Variants in GCNT1 observed in about 807,000 individuals in gnomAD.
The protein encoded by GCNT1 is beta-1,3-galactosyl-O-glycosyl-glycoprotein beta-1,6-N-acetylglucosaminyltransferase.
GCNT1 carries 16 observed loss-of-function variants against 26.2 expected under a neutral mutation model. The ratio of observed to expected loss-of-function variants is 0.61; its 90% CI spans 0.41 to 0.93. GCNT1 has a LOEUF of 0.93. Among genes scored for constraint, GCNT1 ranks in the 40% least tolerant of loss-of-function variants. The pLI is 0.00. For missense variants in GCNT1, 477 were observed against 526.7 expected (o/e 0.91, Z 0.92); for synonymous variants, 183 against 190.8 (o/e 0.96, Z 0.34).
At chr9:76,405,646 G>T in the GCNT1 span, among the ~76,000 whole-genome samples, 1 of 152,306 alleles carries the variant, frequency 6.6e-6, no homozygotes, top group East Asian at 1.9e-4. Flanking sequence ...TATAAAAGAT[G>T]TAGCATTTTC....
intron 1 of GCNT1, among the ~76,000 whole-genome samples, chr9:76,429,928 A>G (rs1194486336): frequency 6.6e-6 from 1 of 151,878 alleles, no homozygotes; most frequent in Non-Finnish European, 1.5e-5. Context: ...GTTAGCCAGG[A>G]TGGTCTCGAT....
intron 2 of GCNT1, among the ~76,000 whole-genome samples, chr9:76,477,838 G>A (rs569613712): frequency 1.4e-4 from 22 of 152,254 alleles, no homozygotes; most frequent in Non-Finnish European, 1.5e-4. Context: ...CTGCCTCTGC[G>A]CATTTGACTA....
At chr9:76,440,619 A>G (rs142488147), upstream of GCNT1, among the ~76,000 whole-genome samples, 172 of 152,282 alleles carry the variant, frequency 1.1e-3, no homozygotes, top group Admixed American at 2.2e-3. Context: ...ACCAAAACCC[A>G]GAGGGGAGAA....
At chr9:76,501,447 C>A (rs1429993358) in intron 3 of GCNT1, among the ~76,000 whole-genome samples, 1 of 152,134 alleles carries the variant, frequency 6.6e-6, no homozygotes, top group Non-Finnish European at 1.5e-5. Flanking sequence ...TTGTTTTCTG[C>A]AAGACTTAGT....
the GCNT1 span, among the ~76,000 whole-genome samples, chr9:76,395,424 T>C: frequency 2.2e-4 from 33 of 152,270 alleles, no homozygotes; most frequent in African/African-American, 6.5e-4. Context: ...TTACCTGATA[T>C]TAAATTTATG....
chr9:76,422,139 A>G (rs1025379945), intron 1 of GCNT1, among the ~76,000 whole-genome samples: 6 of 152,156 alleles, frequency 3.9e-5, no homozygotes, highest in African/African-American at 1.4e-4. Flanking sequence ...TGAGAACAGC[A>G]TGGGAGAAAC....
chr9:76,502,955 C>T lies in GCNT1; in HGVS notation c.574C>T (p.Arg192Trp), dbSNP rs149948942. 1.6e-4 allele frequency: 251 copies of T among 1,612,818 alleles called. No individual in the cohort carries two copies. Among genetic ancestry groups the T allele is most frequent in the Non-Finnish European group, 2.0e-4 (236 of 1,179,966 alleles). The change falls in exon 4 of 4, where the codon CGG becomes TGG. Residue 192 changes from arginine (R) to tryptophan (W), a missense_variant. Arg to Trp is a moderately radical substitution (Grantham distance 101). Transcript: ENST00000376730. ...GAGTGTGGTTTATGCATCGTGGAGC[C>T]GGGTTCAGGCTGACCTCAACTGCAT... ...LESVVYASWS[R>W]VQADLNCMKD...
intron 1 of GCNT1, among the ~76,000 whole-genome samples, chr9:76,444,337 C>T (rs1474772903): frequency 6.6e-6 from 1 of 151,992 alleles, no homozygotes. Context: ...TTGGATGAGG[C>T]CATACAGAAG....
the GCNT1 span, chr9:76,393,951 A>C: frequency 8.1e-6 from 6 of 742,538 alleles, no homozygotes; most frequent in Non-Finnish European, 1.3e-5. Context: ...GCCACAGACA[A>C]GGGGATGCGG....
intron 1 of GCNT1, among the ~76,000 whole-genome samples, chr9:76,430,704 G>A (rs1030791197): frequency 6.7e-6 from 1 of 149,118 alleles, no homozygotes; most frequent in Non-Finnish European, 1.5e-5. Flanking sequence ...TTTTTTTTGA[G>A]ACCAAGTCTC....
chr9:76,489,014 T>C (rs924666964), intron 2 of GCNT1, among the ~76,000 whole-genome samples: 1 of 152,172 alleles, frequency 6.6e-6, no homozygotes, highest in Non-Finnish European at 1.5e-5. Flanking sequence ...CTAGGGGCTG[T>C]AGTCATCTGA....
rs11144913 is a variant in GCNT1, at chr9:76,463,507, T to A, written c.-290+3330T>A. 8.4e-3 allele frequency among the ~76,000 whole-genome samples: 1,274 copies of A among 152,348 alleles called. 17 individuals carry two copies. Among genetic ancestry groups the A allele is most frequent in the African/African-American group, 0.029 (1,196 of 41,576 alleles). ...GTTCTTCTGTTTCCAATGAGGAGTC[T>A]GCATGTATTTGGTCATCAATGCAAT... On this transcript the variant is annotated intron_variant, in intron 2 of 3. Transcript: ENST00000376730.
chr9:76,494,180 G>A (rs1454156427), intron 2 of GCNT1, among the ~76,000 whole-genome samples: 3 of 152,102 alleles, frequency 2.0e-5, no homozygotes, highest in African/African-American at 4.8e-5. Flanking sequence ...CCACAAGGAT[G>A]ACCGAGGAAG....
At chr9:76,403,114 T>C in the GCNT1 span, among the ~76,000 whole-genome samples, 2 of 152,208 alleles carry the variant, frequency 1.3e-5, no homozygotes, top group African/African-American at 4.8e-5. Flanking sequence ...AAAATATCTC[T>C]GGAAAATTAG....
At chr9:76,501,307 G>C (rs1469253483) in intron 3 of GCNT1, among the ~76,000 whole-genome samples, 1 of 152,116 alleles carries the variant, frequency 6.6e-6, no homozygotes, top group Non-Finnish European at 1.5e-5. Context: ...CAATTGCCAA[G>C]TTATAAAATT....
intron 2 of GCNT1, among the ~76,000 whole-genome samples, chr9:76,489,795 C>T (rs1041631007): frequency 7.2e-5 from 11 of 152,140 alleles, no homozygotes; most frequent in African/African-American, 2.7e-4. Context: ...GGGTGATGAC[C>T]GCTCTAGCTA....
chr9:76,488,761 G>A (rs1193446220), intron 2 of GCNT1, among the ~76,000 whole-genome samples: 1 of 152,196 alleles, frequency 6.6e-6, no homozygotes, highest in Non-Finnish European at 1.5e-5. Context: ...TGGGATTACA[G>A]GCCTGAGCCA....
chr9:76,462,573 GTT>G (rs1823897127), intron 2 of GCNT1, among the ~76,000 whole-genome samples: 1 of 152,166 alleles, frequency 6.6e-6, no homozygotes, highest in African/African-American at 2.4e-5. Flanking sequence ...ATAGGCAAAT[GTT>G]CCCCGGAGAA....
intron 3 of GCNT1, chr9:76,501,943 G>C (rs914243796): frequency 6.6e-6 from 1 of 152,292 alleles, no homozygotes; most frequent in African/African-American, 2.4e-5. Flanking sequence ...TAAAATGCTT[G>C]TTGTTAGATA....
Sources: allele counts gnomAD v4.1 joint callset (sites outside exome capture counted in the v4.1 genomes callset), GRCh38; gene constraint gnomAD v4.1.1; transcripts MANE v1.5; gene names NCBI Gene and HGNC (gene_info 2026-07-23, HGNC 2026-07-21).